Variants in FCER1A observed in about 807,000 individuals in gnomAD.
FCER1A encodes the protein Fc epsilon receptor Ia.
Under a neutral mutation model 23.6 loss-of-function variants are expected in FCER1A, and 24 were observed. That is an observed-to-expected ratio of 1.02 (90% confidence interval 0.74 to 1.43). The LOEUF (loss-of-function observed/expected upper bound fraction) is 1.43. FCER1A is among the 40% of genes most tolerant of loss of function. The pLI is 0.00. For synonymous variants in FCER1A, 121 were observed against 108.8 expected (o/e 1.11, Z -0.70); for missense variants, 318 against 294.5 (o/e 1.08, Z -0.58).
upstream of FCER1A, among the ~76,000 whole-genome samples, chr1:159,299,772 T>G (rs1652383114): frequency 1.3e-5 from 2 of 152,162 alleles, no homozygotes; most frequent in South Asian, 4.1e-4. Flanking sequence ...AGGACTTTTT[T>G]TTTTATATAT....
upstream of FCER1A, among the ~76,000 whole-genome samples, chr1:159,297,570 T>C (rs560883510): frequency 1.3e-5 from 2 of 152,364 alleles, no homozygotes; most frequent in African/African-American, 2.4e-5. Flanking sequence ...ATCTCCATTT[T>C]ACTGGTGAGA....
intron 1 of FCER1A, among the ~76,000 whole-genome samples, chr1:159,296,974 C>T (rs1046671080): frequency 6.6e-6 from 1 of 152,164 alleles, no homozygotes; most frequent in Non-Finnish European, 1.5e-5. Context: ...AAAATTAGGT[C>T]TTCAAAAGTT....
chr1:159,286,838 C>T (rs1652031675), upstream of FCER1A, among the ~76,000 whole-genome samples: 1 of 152,146 alleles, frequency 6.6e-6, no homozygotes, highest in Admixed American at 6.5e-5. Context: ...GTGAAAGAAA[C>T]TATTCTGACT....
upstream of FCER1A, among the ~76,000 whole-genome samples, chr1:159,288,023 A>G (rs978691148): frequency 3.3e-5 from 5 of 152,082 alleles, no homozygotes; most frequent in Non-Finnish European, 7.4e-5. Flanking sequence ...CTAGACCAGG[A>G]AAGATGCAAT....
At chr1:159,304,380 T>A (rs1250912860) in intron 3 of FCER1A, among the ~76,000 whole-genome samples, 198 bp downstream of exon 3, 1 of 152,086 alleles carries the variant, frequency 6.6e-6, no homozygotes, top group Non-Finnish European at 1.5e-5. Context: ...GGCAGGTGGA[T>A]CACGAGGTCA....
At chr1:159,302,959 C>A in intron 2 of FCER1A, 85 bp downstream of exon 2, 1 of 1,279,624 alleles carries the variant, frequency 7.8e-7, no homozygotes, top group Non-Finnish European at 1.1e-6. Context: ...CCCATCACTT[C>A]TGCTTTCTAA....
chr1:159,295,499 CTT>C (rs1265111368), intron 1 of FCER1A, among the ~76,000 whole-genome samples: 1 of 152,124 alleles, frequency 6.6e-6, no homozygotes, highest in Non-Finnish European at 1.5e-5. Flanking sequence ...AATTAAAAAA[CTT>C]ACAAATTCCT....
At chr1:159,292,921 C>A (rs1384886442) in intron 1 of FCER1A, among the ~76,000 whole-genome samples, 2 of 151,706 alleles carry the variant, frequency 1.3e-5, no homozygotes, top group Non-Finnish European at 2.9e-5. Flanking sequence ...CAGGCTCAAG[C>A]CCCCCTTGCC....
At chr1:159,293,985 C>T (rs1180915374) in intron 1 of FCER1A, among the ~76,000 whole-genome samples, 1 of 151,888 alleles carries the variant, frequency 6.6e-6, no homozygotes, top group Non-Finnish European at 1.5e-5. Context: ...CCATCACTGG[C>T]CATCAGAGAA....
In FCER1A at chr1:159,308,149, T is replaced by A. The variant is rs1188263491; in HGVS notation, c.*217T>A. 4.7e-6 allele frequency: 2 copies of A among 422,178 alleles called. No individual in the cohort carries two copies. The highest frequency in any genetic ancestry group is 4.0e-5 in the African/African-American group (2 of 50,020). 26.2% of individuals were successfully genotyped at this position (422,178 alleles called of 1,614,324 possible). On this transcript the variant is annotated 3_prime_UTR_variant, in exon 5 of 5. Transcript: ENST00000693622. Reference sequence around the variant, plus strand: ...TAAATGAGAGAATGAATAGATTCATTTATTAGCATTTGTAAAAGAGATGTT... The same window carrying A: ...TAAATGAGAGAATGAATAGATTCATATATTAGCATTTGTAAAAGAGATGTT...
upstream of FCER1A, among the ~76,000 whole-genome samples, chr1:159,288,204 C>A (rs1316976499): frequency 3.3e-5 from 5 of 152,142 alleles, no homozygotes; most frequent in African/African-American, 1.2e-4. Context: ...TGAATACATT[C>A]ACATACTAAG....
rs142312060 is a variant in FCER1A at position 159,307,752 on chromosome 1, G to T, written c.594G>T (p.Pro198=). ...TGCATCTGTGTTCCACTACAGCTCC[G>T]CGTGAGAAGTACTGGCTACAATTTT... ...EPLNITVIKA[P]REKYWLQFFI... Residue 198 remains proline (P), a synonymous_variant, in exon 5 of 5, where the codon CCG becomes CCT. Transcript: ENST00000693622. 2 of 1,597,180 alleles carry T rather than the reference G, an allele frequency of 1.3e-6. No homozygotes were observed. The highest frequency in any genetic ancestry group is 1.7e-6 in the Non-Finnish European group (2 of 1,167,086).
upstream of FCER1A, among the ~76,000 whole-genome samples, chr1:159,299,249 G>A (rs994778969): frequency 2.6e-5 from 4 of 152,156 alleles, no homozygotes; most frequent in South Asian, 2.1e-4. Context: ...CACTTTCATC[G>A]TTTCATATTC....
At chr1:159,286,419 G>A (rs1343312894), upstream of FCER1A, among the ~76,000 whole-genome samples, 3 of 151,304 alleles carry the variant, frequency 2.0e-5, no homozygotes, top group Non-Finnish European at 4.4e-5. Context: ...TGCAAGCTCC[G>A]CCTCCCGGGT....
At chr1:159,302,481 G>T (rs768068994) in intron 1 of FCER1A, 62 bp downstream of exon 1, 11 of 1,157,590 alleles carry the variant, frequency 9.5e-6, no homozygotes, top group Admixed American at 1.7e-5. Context: ...AGCAGCTGGG[G>T]TAGGAACCTT....
At position 159,304,049 on chromosome 1, in the gene FCER1A, C is replaced by T. The variant is rs1296806525; in HGVS notation, c.198C>T (p.His66=). The change falls in exon 3 of 5, where the codon CAC becomes CAT. Residue 66 remains histidine (H), a synonymous_variant. Coordinates refer to ENST00000693622, the MANE Select transcript of FCER1A (RefSeq NM_001387280.1). ...AAGTCAGTTCCACCAAATGGTTCCACAATGGCAGCCTTTCAGAAGAGACAA... is the reference window on the plus strand; with the variant it reads ...AAGTCAGTTCCACCAAATGGTTCCATAATGGCAGCCTTTCAGAAGAGACAA... ...FFEVSSTKWF[H]NGSLSEETNS... 62 of 1,614,014 alleles carry T rather than the reference C, an allele frequency of 3.8e-5. 1 individual carries two copies. In the Admixed American group the frequency reaches 9.5e-4, roughly 25 times the overall value.
In FCER1A at chr1:159,306,330, A is replaced by AG. The variant is rs746933368; in HGVS notation, c.589+91dup. ...AGCCTGAGCAGTTGCAGCTTGTAGAAGGGGGGCACCTGTGATACACTGGAA... is the reference window on the plus strand; with the variant it reads ...AGCCTGAGCAGTTGCAGCTTGTAGAAGGGGGGGCACCTGTGATACACTGGAA... On this transcript the variant is annotated intron_variant, in intron 4 of 4. Coordinates refer to ENST00000693622, the MANE Select transcript of FCER1A (RefSeq NM_001387280.1). 1.0e-4 allele frequency: 136 copies of AG among 1,358,638 alleles called. No homozygotes were observed. The South Asian group carries it at 1.7e-3, about 17-fold the overall frequency. The allele number at this position is 1,358,638 out of a possible 1,614,324, so 84.2% of individuals were successfully genotyped here. A position where few individuals can be genotyped will look rare whatever the true frequency, so the allele number is the denominator to read the frequency against.
rs1173248997 is a variant in FCER1A at position 159,304,292 on chromosome 1, G to A, written c.331+110G>A. 2.8e-6 allele frequency: 3 copies of A among 1,084,610 alleles called. No individual in the cohort carries two copies. In the East Asian group the frequency reaches 7.3e-5, roughly 26 times the overall value. The allele number at this position is 1,084,610 out of a possible 1,614,324, so 67.2% of individuals were successfully genotyped here. On this transcript the variant is annotated intron_variant, in intron 3 of 4. Coordinates refer to ENST00000693622, the MANE Select transcript of FCER1A (RefSeq NM_001387280.1). ...GTTAGGACACCAGAGTGGGATTCAA[G>A]GCCTCTCATTTTTAAGACCCCTGCA...
chr1:159,284,991 A>G (rs1651981065), upstream of FCER1A, among the ~76,000 whole-genome samples: 1 of 152,216 alleles, frequency 6.6e-6, no homozygotes, highest in South Asian at 2.1e-4. Flanking sequence ...ATTTGATTGT[A>G]ACTCGTTAAA....
Sources: gnomAD v4.1 joint callset for allele counts (sites outside exome capture counted in the v4.1 genomes callset) on GRCh38, gnomAD v4.1.1 for gene constraint, MANE v1.5 for transcripts, NCBI Gene and HGNC (gene_info 2026-07-23, HGNC 2026-07-21) for gene names.